The following MYO3B variants were observed in gnomAD, a reference collection of about 807,000 sequenced individuals.
MYO3B encodes myosin IIIB, also known as myosin-IIIb.
MYO3B carries 156 observed loss-of-function variants against 174.6 expected under a neutral mutation model. The observed-to-expected ratio is 0.89, with a 90% CI of 0.78 to 1.02. The LOEUF (loss-of-function observed/expected upper bound fraction) is 1.02, where lower values mean the gene tolerates loss of function less well. MYO3B is among the 50% of genes least tolerant of loss of function. The pLI is 0.00. For synonymous variants in MYO3B, 563 were observed against 569.1 expected (o/e 0.99, Z 0.15); for missense variants, 1,632 against 1,639.4 (o/e 1.00, Z 0.08).
intron 7 of MYO3B, among the ~76,000 whole-genome samples, chr2:170,246,545 C>A (rs1224839389): frequency 6.6e-6 from 1 of 151,616 alleles, no homozygotes; most frequent in Non-Finnish European, 1.5e-5. Flanking sequence ...CACACACACA[C>A]ACACACACAC....
intron 25 of MYO3B, among the ~76,000 whole-genome samples, chr2:170,489,423 T>C (rs1686288400): frequency 6.6e-6 from 1 of 152,048 alleles, no homozygotes; most frequent in African/African-American, 2.4e-5. Flanking sequence ...AGCCCCCAAA[T>C]CTGTGGGGAA....
chr2:170,429,992 A>G (rs1052705052), intron 22 of MYO3B, among the ~76,000 whole-genome samples: 8 of 148,126 alleles, frequency 5.4e-5, no homozygotes, highest in Non-Finnish European at 8.9e-5. Flanking sequence ...TGAACTGTGC[A>G]GGTCCACTTA....
chr2:170,432,161 A>G (rs1402830102), intron 22 of MYO3B, among the ~76,000 whole-genome samples: 1 of 152,036 alleles, frequency 6.6e-6, no homozygotes, highest in East Asian at 1.9e-4. Context: ...TTTTTTTTTA[A>G]GTTAACTATA....
intron 23 of MYO3B, among the ~76,000 whole-genome samples, chr2:170,444,517 C>G (rs1468907208): frequency 3.3e-5 from 5 of 152,156 alleles, no homozygotes; most frequent in Non-Finnish European, 7.4e-5. Flanking sequence ...GTCTTAAGGA[C>G]TGCTTCGTTA....
chr2:170,196,245 G>A (rs1002284050), intron 1 of MYO3B, among the ~76,000 whole-genome samples: 2 of 152,172 alleles, frequency 1.3e-5, no homozygotes, highest in Non-Finnish European at 2.9e-5. Flanking sequence ...GGTGGCTCAT[G>A]TCTGTAATCC....
chr2:170,515,814 G>T (rs896394980), intron 29 of MYO3B, among the ~76,000 whole-genome samples: 1 of 151,986 alleles, frequency 6.6e-6, no homozygotes, highest in African/African-American at 2.4e-5. Context: ...GACTCCTTTA[G>T]TATCTCTCAC....
chr2:170,363,442 T>C (rs1180739917), intron 8 of MYO3B, among the ~76,000 whole-genome samples: 1 of 152,124 alleles, frequency 6.6e-6, no homozygotes, highest in African/African-American at 2.4e-5. Flanking sequence ...AAATGGCAGT[T>C]TACAGGCACA....
At chr2:170,218,992 A>G (rs960849238) in intron 6 of MYO3B, among the ~76,000 whole-genome samples, 1 of 152,128 alleles carries the variant, frequency 6.6e-6, no homozygotes, top group Non-Finnish European at 1.5e-5. Flanking sequence ...CTTGTTCTTA[A>G]TGCCCCAACA....
Position 170,229,169 on chromosome 2 carries a change from A to C in MYO3B, c.604-6822A>C, listed in dbSNP as rs550034632. ...TGATTCCAGAGAAGTTCTGACTTGG[A>C]AATCTTTATGATCAATAACATTTAT... is the stretch of plus-strand genomic sequence containing the variant. On this transcript the variant is annotated intron_variant, in intron 6 of 34. Coordinates refer to ENST00000408978, the MANE Select transcript of MYO3B (RefSeq NM_138995.5). 4.8e-4 allele frequency among the ~76,000 whole-genome samples: 73 copies of C among 152,318 alleles called. 1 individual carries two copies. The highest frequency in any genetic ancestry group is 8.2e-4 in the Non-Finnish European group (56 of 68,030).
chr2:170,463,445 G>C lies in MYO3B; in HGVS notation c.2808G>C (p.Arg936=). ...MKRQTVASYF[R]YSLMDLLSKM... is the part of the protein sequence containing the mutation. ...GGCAAACTGTGGCTTCTTACTTCCG[G>C]GTATGGAGTCTTCTTGATCTCTATT... Residue 936 remains arginine (R), a splice_region_variant and synonymous_variant, in exon 24 of 35, where the codon CGG becomes CGC. Transcript: ENST00000408978. 1 of 1,613,764 alleles carries C rather than the reference G, an allele frequency of 6.2e-7. No homozygotes were observed. Among genetic ancestry groups the C allele is most frequent in the Non-Finnish European group, 8.5e-7 (1 of 1,179,856 alleles).
intron 7 of MYO3B, among the ~76,000 whole-genome samples, chr2:170,310,714 G>A (rs2093733776): frequency 6.6e-6 from 1 of 150,400 alleles, no homozygotes; most frequent in African/African-American, 2.4e-5. Context: ...GTCCAGAAAG[G>A]CAGTACAACT....
intron 6 of MYO3B, among the ~76,000 whole-genome samples, chr2:170,222,708 A>C (rs1172295710): frequency 6.6e-6 from 1 of 152,112 alleles, no homozygotes; most frequent in African/African-American, 2.4e-5. Flanking sequence ...CAGTGACCCT[A>C]TTTCCAAATA....
chr2:170,653,849 C>A lies in MYO3B; in HGVS notation c.*728C>A, dbSNP rs1699148913. 1 of 152,178 alleles carries A rather than the reference C, an allele frequency of 6.6e-6. No homozygotes were observed. The highest frequency in any genetic ancestry group is 2.1e-4 in the South Asian group (1 of 4,820). The allele number at this position is 152,178 out of a possible 1,614,324, so 9.4% of individuals were successfully genotyped here. A position where few individuals can be genotyped will look rare whatever the true frequency, so the allele number is the denominator to read the frequency against. On this transcript the variant is annotated 3_prime_UTR_variant, in exon 35 of 35. Transcript: ENST00000408978. ...AAAGGAATGAGAGGGAAAGTTTGGA[C>A]CTGTCACTTTGGTGACAGGGAAAGT...
In MYO3B at chr2:170,387,139, CA is replaced by C; in HGVS notation, c.1410del (p.Val471SerfsTer28). On this transcript the variant is annotated frameshift_variant, in exon 14 of 35. Coordinates refer to ENST00000408978, the MANE Select transcript of MYO3B (RefSeq NM_138995.5). LOFTEE classifies it high-confidence loss of function. ...NNQTLREKIL[Q>X]VNSLVEAFGN... ...TCAGACCTTGAGAGAGAAAATTCTACAAGTCAACTCCCTGGTGGAAGCCTTT... is the reference window on the plus strand; with the variant it reads ...TCAGACCTTGAGAGAGAAAATTCTACAGTCAACTCCCTGGTGGAAGCCTTT... 1 of 1,614,034 alleles carries C rather than the reference CA, an allele frequency of 6.2e-7. No individual in the cohort carries two copies. The highest frequency in any genetic ancestry group is 1.1e-5 in the South Asian group (1 of 91,074).
chr2:170,394,674 C>T (rs951166710), intron 16 of MYO3B, among the ~76,000 whole-genome samples: 1 of 152,174 alleles, frequency 6.6e-6, no homozygotes, highest in Non-Finnish European at 1.5e-5. Context: ...TTAATTCATA[C>T]AGGAAATAAA....
At chr2:170,410,057 A>G (rs1356952631) in intron 22 of MYO3B, among the ~76,000 whole-genome samples, 2 of 152,148 alleles carry the variant, frequency 1.3e-5, no homozygotes, top group Non-Finnish European at 2.9e-5. Context: ...TGATGTTCCC[A>G]CTAGAAGCAA....
chr2:170,580,721 T>TGTGTGC (rs1693088771), intron 32 of MYO3B, among the ~76,000 whole-genome samples: 1 of 120,020 alleles, frequency 8.3e-6, no homozygotes, highest in Non-Finnish European at 1.8e-5. Context: ...CTTATATATG[T>TGTGTGC]GTGTGTGTGT....
chr2:170,403,129 CTAAA>C (rs1004969436), intron 19 of MYO3B, 134 bp downstream of exon 19: 7 of 749,188 alleles, frequency 9.3e-6, no homozygotes, highest in Non-Finnish European at 1.2e-5. Flanking sequence ...GCAGTCCTGG[CTAAA>C]TAGTCTAAAT....
chr2:170,481,698 A>T (rs936604642), intron 25 of MYO3B, among the ~76,000 whole-genome samples: 1 of 152,342 alleles, frequency 6.6e-6, no homozygotes, highest in East Asian at 1.9e-4. Flanking sequence ...TGAGTAAAAT[A>T]TATTTCATGC....
Sources: gnomAD v4.1 joint callset for allele counts (sites outside exome capture counted in the v4.1 genomes callset) on GRCh38, gnomAD v4.1.1 for gene constraint, MANE v1.5 for transcripts, NCBI Gene and HGNC (gene_info 2026-07-23, HGNC 2026-07-21) for gene names.